The following SLC8A1 variants were observed in gnomAD, a reference collection of about 807,000 sequenced individuals.
SLC8A1 encodes solute carrier family 8 member A1.
Under a neutral mutation model 68.3 loss-of-function variants are expected in SLC8A1, and 18 were observed. That is an observed-to-expected ratio of 0.26 (90% CI 0.18 to 0.39). The LOEUF (loss-of-function observed/expected upper bound fraction) is 0.39, where lower values mean the gene tolerates loss of function less well. SLC8A1 is among the 10% of genes least tolerant of loss of function. The pLI, the probability that SLC8A1 is intolerant of heterozygous loss-of-function variation, is 1.00. For missense variants in SLC8A1, 985 were observed against 1,156.7 expected, an observed-to-expected ratio of 0.85 and a Z score of 2.15; for synonymous variants, 475 against 415.5, an observed-to-expected ratio of 1.14 and a Z score of -1.74.
Position 40,317,166 on chromosome 2 carries a change from A to G in SLC8A1, c.1808+111307T>C, listed in dbSNP as rs190030708. Among the ~76,000 whole-genome samples, 10 of 152,188 alleles carry G rather than the reference A, an allele frequency of 6.6e-5. No individual in the cohort carries two copies. In the East Asian group the frequency reaches 1.7e-3, roughly 26 times the overall value. ...CTTTGAAGGTATCCTTGGCAGAGAC[A>G]AGGTTAGTTCTCCCTGACTCAAGCA... On this transcript the variant is annotated intron_variant, in intron 2 of 7. Transcript: ENST00000406785.
intron 2 of SLC8A1, among the ~76,000 whole-genome samples, chr2:40,241,601 C>G (rs1454293381): frequency 6.6e-6 from 1 of 152,190 alleles, no homozygotes; most frequent in Non-Finnish European, 1.5e-5. Context: ...CTCCCCTAAC[C>G]TTGAGGTGTG....
chr2:40,372,399 A>G (rs1214586146), intron 2 of SLC8A1, among the ~76,000 whole-genome samples: 1 of 152,090 alleles, frequency 6.6e-6, no homozygotes, highest in Non-Finnish European at 1.5e-5. Context: ...AGTACACGTG[A>G]CACTTTCCTT....
At chr2:40,219,430 T>C (rs987836406) in intron 2 of SLC8A1, among the ~76,000 whole-genome samples, 38 of 152,230 alleles carry the variant, frequency 2.5e-4, no homozygotes, top group African/African-American at 8.4e-4. Flanking sequence ...ATTGTCAAGA[T>C]TTTCTTCAAT....
intron 2 of SLC8A1, among the ~76,000 whole-genome samples, chr2:40,312,111 T>C (rs12995402): frequency 0.2 from 29,648 of 152,038 alleles, 3,554 homozygotes; most frequent in East Asian, 0.38. Flanking sequence ...TCAGGCTGAC[T>C]ACATTGTATT....
At chr2:40,441,386 A>G (rs1446236584) in intron 1 of SLC8A1, among the ~76,000 whole-genome samples, 1 of 114,512 alleles carries the variant, frequency 8.7e-6, no homozygotes, top group Non-Finnish European at 1.6e-5. Flanking sequence ...GACTTTCTTC[A>G]TAGAATTAGA....
intron 1 of SLC8A1, among the ~76,000 whole-genome samples, chr2:40,466,794 T>A (rs370219106): frequency 6.6e-6 from 1 of 152,282 alleles, no homozygotes; most frequent in African/African-American, 2.4e-5. Flanking sequence ...AATTGCAACT[T>A]GGACTCTGTA....
intron 2 of SLC8A1, among the ~76,000 whole-genome samples, chr2:40,397,350 C>G (rs1252796881): frequency 2.6e-5 from 4 of 152,138 alleles, no homozygotes; most frequent in African/African-American, 9.7e-5. Flanking sequence ...TAATAAAATT[C>G]AGAGGCAGTT....
intron 1 of SLC8A1, among the ~76,000 whole-genome samples, chr2:40,470,828 G>C (rs1187974162): frequency 6.6e-6 from 1 of 151,792 alleles, no homozygotes; most frequent in Admixed American, 6.6e-5. Flanking sequence ...TTTATAATTA[G>C]GGAAGTGTTT....
chr2:40,107,901 G>A (rs964749802), exon 8 of SLC8A1: 1 of 152,184 alleles, frequency 6.6e-6, no homozygotes, highest in Admixed American at 6.6e-5. Flanking sequence ...TTTTTCACCA[G>A]TTGGAATGGA....
At chr2:40,183,117 T>C (rs1322205093) in intron 2 of SLC8A1, among the ~76,000 whole-genome samples, 3 of 152,156 alleles carry the variant, frequency 2.0e-5, no homozygotes, top group African/African-American at 7.2e-5. Flanking sequence ...AAGTAATTCC[T>C]ACTACCTGCG....
chr2:40,187,256 A>G (rs1039093277), intron 2 of SLC8A1, among the ~76,000 whole-genome samples: 6 of 152,208 alleles, frequency 3.9e-5, no homozygotes. Context: ...ATCTGAAGTC[A>G]TGCTTTTCCT....
At chr2:40,300,225 C>T (rs2071196976) in intron 2 of SLC8A1, among the ~76,000 whole-genome samples, 1 of 152,106 alleles carries the variant, frequency 6.6e-6, no homozygotes, top group South Asian at 2.1e-4. Context: ...CAAGTATATA[C>T]TAAGTATATG....
chr2:40,253,030 C>CACAT (rs2063139301), intron 2 of SLC8A1, among the ~76,000 whole-genome samples: 3 of 120,480 alleles, frequency 2.5e-5, no homozygotes, highest in Non-Finnish European at 5.4e-5. Flanking sequence ...TATGTATATA[C>CACAT]ATATGTATCA....
At chr2:40,257,489 A>G (rs1421076732) in intron 2 of SLC8A1, among the ~76,000 whole-genome samples, 1 of 151,528 alleles carries the variant, frequency 6.6e-6, no homozygotes, top group Non-Finnish European at 1.5e-5. Flanking sequence ...AAGGAACATC[A>G]TCAGTGAGGT....
At chr2:40,410,787 T>C (rs1413329670) in intron 2 of SLC8A1, among the ~76,000 whole-genome samples, 1 of 152,110 alleles carries the variant, frequency 6.6e-6, no homozygotes, top group Non-Finnish European at 1.5e-5. Flanking sequence ...GTCATTTTCT[T>C]ATTAAAAAAG....
intron 2 of SLC8A1, among the ~76,000 whole-genome samples, chr2:40,191,615 A>G (rs1396097725): frequency 6.6e-6 from 1 of 152,212 alleles, no homozygotes; most frequent in Non-Finnish European, 1.5e-5. Context: ...AAATGCAAAT[A>G]ATGACACTGT....
At chr2:40,238,013 T>C (rs972687332) in intron 2 of SLC8A1, among the ~76,000 whole-genome samples, 8 of 152,170 alleles carry the variant, frequency 5.3e-5, no homozygotes, top group Admixed American at 2.6e-4. Context: ...TTCAAAGCTG[T>C]CAGACAGGGA....
intron 2 of SLC8A1, among the ~76,000 whole-genome samples, chr2:40,277,796 A>ATG (rs1272032922): frequency 2.3e-4 from 4 of 17,528 alleles, no homozygotes; most frequent in African/African-American, 7.7e-4. Flanking sequence ...ATATGTGTGT[A>ATG]TATATATATA....
chr2:40,143,171 A>G (rs1008337753), intron 6 of SLC8A1, among the ~76,000 whole-genome samples: 47 of 152,208 alleles, frequency 3.1e-4, no homozygotes, highest in African/African-American at 1.1e-3. Flanking sequence ...TCACTTAAAT[A>G]TTAAAAATGA....
Sources: allele counts gnomAD v4.1 joint callset (sites outside exome capture counted in the v4.1 genomes callset), GRCh38; gene constraint gnomAD v4.1.1; transcripts MANE v1.5; gene names NCBI Gene and HGNC (gene_info 2026-07-23, HGNC 2026-07-21).